OTUD6B: variants seen among roughly 807,000 people sequenced by gnomAD.
OTUD6B encodes the protein deubiquitinase OTUD6B.
In OTUD6B, 41 loss-of-function variants were observed where a neutral mutation model predicts 36.9. That is an observed-to-expected ratio of 1.11 (90% CI 0.87 to 1.44). The LOEUF (loss-of-function observed/expected upper bound fraction) is 1.44, where lower values mean the gene tolerates loss of function less well. OTUD6B is among the 40% of genes most tolerant of loss of function. The probability of loss-of-function intolerance (pLI) is 0.00; values close to 1 mark genes in which losing one functional copy is unlikely to be tolerated. For synonymous variants in OTUD6B, 114 were observed against 114.2 expected (o/e 1.00, Z 0.01); for missense variants, 356 against 344.8 (o/e 1.03, Z -0.26).
rs1240097564 is a variant in OTUD6B at position 91,070,408 on chromosome 8, G to A, written c.24G>A (p.Glu8=). 3.7e-6 allele frequency: 6 copies of A among 1,603,172 alleles called. No homozygotes were observed. Among genetic ancestry groups the A allele is most frequent in the Non-Finnish European group, 5.1e-6 (6 of 1,174,676 alleles). The change falls in exon 1 of 7, where the codon GAG becomes GAA. Residue 8 remains glutamate (E), a synonymous_variant. Coordinates refer to ENST00000404789, the MANE Select transcript of OTUD6B (RefSeq NM_016023.5). The stretch of plus-strand genomic sequence containing the variant: ...TCATGGAGGCGGTATTGACCGAAGA[G>A]CTTGATGAGGAAGAGCAGCTGCTGA... MEAVLTE[E]LDEEEQLLRR...
chr8:91,074,630 G>A lies in OTUD6B; in HGVS notation c.315+719G>A, dbSNP rs566527969. ...AGTAGCTAGTTCATATCAGCATTAT[G>A]GAAATGAGATTAGATAGGTAAGTCC... On this transcript the variant is annotated intron_variant, in intron 3 of 6. Coordinates refer to ENST00000404789, the MANE Select transcript of OTUD6B (RefSeq NM_016023.5). 1.3e-4 allele frequency among the ~76,000 whole-genome samples: 20 copies of A among 152,124 alleles called. No homozygotes were observed. In the South Asian group the frequency reaches 3.5e-3, roughly 27 times the overall value.
Position 91,073,891 on chromosome 8 carries a change from T to G in OTUD6B, c.295T>G (p.Ser99Ala), listed in dbSNP as rs1363929366. 3 of 1,592,324 alleles carry G rather than the reference T, an allele frequency of 1.9e-6. No homozygotes were observed. The highest frequency in any genetic ancestry group is 8.6e-7 in the Non-Finnish European group (1 of 1,167,808). The change falls in exon 3 of 7, where the codon TCA (serine) becomes GCA (alanine). Residue 99 changes from serine (S) to alanine (A), a missense_variant. By Grantham distance (99) the Ser-to-Ala change is moderately conservative. Coordinates refer to ENST00000404789, the MANE Select transcript of OTUD6B (RefSeq NM_016023.5). ...LVLENQPPRI[S>A]KAQKRREKKA... Reference sequence around the variant, plus strand: ...GCTTGAGAATCAGCCACCTCGGATATCAAAAGCACAAAAGAGACGGGTATG... The same window carrying G: ...GCTTGAGAATCAGCCACCTCGGATAGCAAAAGCACAAAAGAGACGGGTATG...
At chr8:91,083,574 A>T (rs1014463767) in intron 5 of OTUD6B, among the ~76,000 whole-genome samples, 1 of 152,170 alleles carries the variant, frequency 6.6e-6, no homozygotes, top group African/African-American at 2.4e-5. Context: ...TGACATCACA[A>T]GTGGAAAATT....
chr8:91,080,183 T>C (rs1365316007), intron 4 of OTUD6B, among the ~76,000 whole-genome samples: 1 of 152,192 alleles, frequency 6.6e-6, no homozygotes, highest in African/African-American at 2.4e-5. Context: ...TGTTTGACGC[T>C]ATCTCTGGGG....
chr8:91,078,477 A>T lies in OTUD6B; in HGVS notation c.437A>T (p.Gln146Leu). ...CTTGCTCAAATATTGGCAGCTAGACAGTTAGAAATTAAACAGATTCCATCT... is the reference window on the plus strand; with the variant it reads ...CTTGCTCAAATATTGGCAGCTAGACTGTTAGAAATTAAACAGATTCCATCT... ...EKLAQILAAR[Q>L]LEIKQIPSDG... Residue 146 changes from glutamine (Q) to leucine (L), a missense_variant, in exon 4 of 7, where the codon CAG becomes CTG. Gln to Leu is a moderately radical substitution (Grantham distance 113). Coordinates refer to ENST00000404789, the MANE Select transcript of OTUD6B (RefSeq NM_016023.5). 6.2e-7 allele frequency: 1 copy of T among 1,607,462 alleles called. No homozygotes were observed. Among genetic ancestry groups the T allele is most frequent in the Admixed American group, 1.7e-5 (1 of 59,060 alleles).
chr8:91,074,184 A>G (rs1240618068), intron 3 of OTUD6B, among the ~76,000 whole-genome samples: 1 of 152,178 alleles, frequency 6.6e-6, no homozygotes, highest in Non-Finnish European at 1.5e-5. Flanking sequence ...CTAAGATAAT[A>G]TAAAATAACG....
Position 91,078,650 on chromosome 8 carries a change from GGA to G in OTUD6B, c.613_614del (p.Asp205TyrfsTer12). ...GCCATTTTTAACAAACCCTAATACA[GGA>G]GATATGTATACTCCAGGTAATTTAT... ...FLPFLTNPNT[G>X]DMYTPEEFQK... On this transcript the variant is annotated frameshift_variant, in exon 4 of 7. Transcript: ENST00000404789. LOFTEE classifies it high-confidence loss of function. 1 of 1,577,538 alleles carries G rather than the reference GGA, an allele frequency of 6.3e-7. No individual in the cohort carries two copies. The highest frequency in any genetic ancestry group is 8.6e-7 in the Non-Finnish European group (1 of 1,159,488).
chr8:91,078,645 A>G lies in OTUD6B; in HGVS notation c.605A>G (p.Asn202Ser), dbSNP rs373334189. The stretch of plus-strand genomic sequence containing the variant: ...TTTCTGCCATTTTTAACAAACCCTA[A>G]TACAGGAGATATGTATACTCCAGGT... ...EDFLPFLTNP[N>S]TGDMYTPEEF... Residue 202 changes from asparagine to serine, a missense_variant, in exon 4 of 7, where the codon AAT (asparagine) becomes AGT (serine). By Grantham distance (46) the Asn-to-Ser change is conservative (BLOSUM62 1). Coordinates refer to ENST00000404789, the MANE Select transcript of OTUD6B (RefSeq NM_016023.5). 1.0e-5 allele frequency: 16 copies of G among 1,581,728 alleles called. No individual in the cohort carries two copies. The African/African-American group carries it at 1.8e-4, about 17-fold the overall frequency.
intron 2 of OTUD6B, 85 bp from the exon 3 acceptor site, chr8:91,073,746 A>G: frequency 4.9e-6 from 7 of 1,419,490 alleles, no homozygotes; most frequent in Non-Finnish European, 6.6e-6. Flanking sequence ...TGTTACTCAA[A>G]TTTGAAATGT....
chr8:91,073,959 A>G (rs573009820), intron 3 of OTUD6B, 48 bp downstream of exon 3: 127 of 1,252,696 alleles, frequency 1.0e-4, no homozygotes, highest in Admixed American at 4.3e-4. Context: ...TGTGTGTTCA[A>G]TACTATCTTA....
At chr8:91,078,981 G>A in intron 4 of OTUD6B, 1 of 190,446 alleles carries the variant, frequency 5.3e-6, no homozygotes, top group East Asian at 1.4e-4. Context: ...TATTGAGGAA[G>A]GTAAGCTTCA....
rs1257058131 is a variant in OTUD6B, at chr8:91,078,408, A to C, written c.368A>C (p.Glu123Ala). The C allele has an allele frequency of 6.3e-7, 1 of 1,596,022 alleles. No homozygotes were observed. Among genetic ancestry groups the C allele is most frequent in the Non-Finnish European group, 8.5e-7 (1 of 1,170,500 alleles). ...KEREERIAEAEIENLTGARHM... is the reference protein window; with the variant it reads ...KEREERIAEAAIENLTGARHM... ...CGAGAAGAACGGATAGCTGAAGCTGAAATTGAAAACTTAACAGGAGCCAGA... is the reference window on the plus strand; with the variant it reads ...CGAGAAGAACGGATAGCTGAAGCTGCAATTGAAAACTTAACAGGAGCCAGA... Residue 123 changes from glutamate to alanine, a missense_variant, in exon 4 of 7, where the codon GAA (glutamate) becomes GCA (alanine). Physicochemically the swap from Glu to Ala is moderately radical, Grantham distance 107. Coordinates refer to ENST00000404789, the MANE Select transcript of OTUD6B (RefSeq NM_016023.5).
chr8:91,079,007 G>A, intron 4 of OTUD6B: 1 of 165,334 alleles, frequency 6.0e-6, no homozygotes, highest in Admixed American at 6.3e-5. Flanking sequence ...TATATATAGG[G>A]TCTGAAGACC....
At chr8:91,080,124 A>T (rs1812873331) in intron 4 of OTUD6B, among the ~76,000 whole-genome samples, 1 of 152,104 alleles carries the variant, frequency 6.6e-6, no homozygotes, top group Admixed American at 6.6e-5. Context: ...GTTAGAACTG[A>T]TACTTATGCA....
At chr8:91,082,607 A>T (rs1812927400) in intron 5 of OTUD6B, among the ~76,000 whole-genome samples, 1 of 151,966 alleles carries the variant, frequency 6.6e-6, no homozygotes, top group African/African-American at 2.4e-5. Context: ...TGACTTTGAC[A>T]AGTCTTGTAA....
rs1813016724 is a variant in OTUD6B, at chr8:91,086,443, T to C, written c.*1575T>C. On this transcript the variant is annotated 3_prime_UTR_variant, in exon 7 of 7. Transcript: ENST00000404789. Reference sequence around the variant, plus strand: ...GTTTTGTAACCCTTGATGTGAATTTTTTGGTGTCTGAAATTTACAAAAGAA... The same window carrying C: ...GTTTTGTAACCCTTGATGTGAATTTCTTGGTGTCTGAAATTTACAAAAGAA... The C allele has an allele frequency of 6.6e-6, 1 of 152,072 alleles. No individual in the cohort carries two copies. The highest frequency in any genetic ancestry group is 2.1e-4 in the South Asian group (1 of 4,836). 9.4% of individuals were successfully genotyped at this position (152,072 alleles called of 1,614,324 possible). A position where few individuals can be genotyped will look rare whatever the true frequency, so the allele number is the denominator to read the frequency against.
chr8:91,076,123 A>G (rs1004102517), intron 3 of OTUD6B, among the ~76,000 whole-genome samples: 1 of 152,136 alleles, frequency 6.6e-6, no homozygotes, highest in East Asian at 1.9e-4. Flanking sequence ...AGTTATCTCA[A>G]TTGTACACTA....
In OTUD6B at chr8:91,084,093, CA is replaced by C. The variant is rs762934606; in HGVS notation, c.783del (p.Lys261AsnfsTer3). ...CCCATTATAGTTGGTGAAGAATATT[CA>C]AAAAAACCACTAATACTTGTGTAAG... ...SPPIIVGEEY[S>X]KKPLILVYMR... On this transcript the variant is annotated frameshift_variant, in exon 6 of 7. Coordinates refer to ENST00000404789, the MANE Select transcript of OTUD6B (RefSeq NM_016023.5). LOFTEE classifies it high-confidence loss of function. 10 of 1,546,164 alleles carry C rather than the reference CA, an allele frequency of 6.5e-6. No homozygotes were observed. The highest frequency in any genetic ancestry group is 1.9e-5 in the Admixed American group (1 of 51,628).
intron 3 of OTUD6B, among the ~76,000 whole-genome samples, chr8:91,075,330 C>A (rs1160488413): frequency 6.6e-6 from 1 of 151,756 alleles, no homozygotes; most frequent in Non-Finnish European, 1.5e-5. Context: ...TTCTATAGAT[C>A]AAAAAGGAAG....
Sources: allele counts gnomAD v4.1 joint callset (sites outside exome capture counted in the v4.1 genomes callset), GRCh38; gene constraint gnomAD v4.1.1; transcripts MANE v1.5; gene names NCBI Gene and HGNC (gene_info 2026-07-23, HGNC 2026-07-21).